Variants in FRMPD4 observed in about 807,000 individuals in gnomAD.
The protein encoded by FRMPD4 is FERM and PDZ domain containing 4, also known as FERM and PDZ domain-containing protein 4.
Under a neutral mutation model 94.1 loss-of-function variants are expected in FRMPD4, and 22 were observed. The ratio of observed to expected loss-of-function variants is 0.23; its 90% CI spans 0.17 to 0.33. FRMPD4 has a LOEUF of 0.33. FRMPD4 is among the 10% of genes least tolerant of loss of function. FRMPD4 has a pLI of 1.00. For missense variants in FRMPD4, 1,111 were observed against 1,339.9 expected, an observed-to-expected ratio of 0.83 and a Z score of 2.67; for synonymous variants, 631 against 548.6, an observed-to-expected ratio of 1.15 and a Z score of -2.10.
chrX:12,579,525 C>T (rs1295511906), intron 2 of FRMPD4, among the ~76,000 whole-genome samples: 2 of 112,147 alleles, frequency 1.8e-5, no homozygotes, highest in East Asian at 2.8e-4. Flanking sequence ...GTGGAGCCCA[C>T]GTGCAGGGAT....
At chrX:11,901,789 C>T (rs1456004140) in intron 3 of FRMPD4, among the ~76,000 whole-genome samples, 1 of 111,116 alleles carries the variant, frequency 9.0e-6, no homozygotes, top group Non-Finnish European at 1.9e-5. Flanking sequence ...TAATTATGGC[C>T]TTTCTTGCAG....
intron 1 of FRMPD4, among the ~76,000 whole-genome samples, chrX:12,475,868 T>C (rs374645566): frequency 5.4e-5 from 6 of 111,156 alleles, no homozygotes; most frequent in Admixed American, 1.9e-4. Flanking sequence ...GAATCAATAT[T>C]GTGAAAATGG....
At chrX:12,653,599 TAATCAATC>T (rs758574715) in intron 4 of FRMPD4, among the ~76,000 whole-genome samples, 17 of 111,251 alleles carry the variant, frequency 1.5e-4, no homozygotes, top group African/African-American at 5.6e-4. Flanking sequence ...TGAAAACCGC[TAATCAATC>T]AATCAATCAA....
At chrX:12,190,922 A>G (rs745718272) in intron 1 of FRMPD4, among the ~76,000 whole-genome samples, 35 of 111,911 alleles carry the variant, frequency 3.1e-4, no homozygotes, top group Admixed American at 6.7e-4. Flanking sequence ...ATTGAAATTA[A>G]AAACTTCTCT....
chrX:11,947,245 C>T (rs1360174551), intron 3 of FRMPD4, among the ~76,000 whole-genome samples: 8 of 112,161 alleles, frequency 7.1e-5, no homozygotes, highest in Non-Finnish European at 1.5e-4. Context: ...AAACATAAAT[C>T]ACTTAGGGTT....
At chrX:12,720,044 GGAAAGGAAAGAAA>G (rs1188967804) in intron 16 of FRMPD4, among the ~76,000 whole-genome samples, 1,438 of 30,202 alleles carry the variant, frequency 0.048, 15 homozygotes, top group Non-Finnish European at 0.064. Flanking sequence ...GGAAAGGAAA[GGAAAGGAAAGAAA>G]GAAAGAAAGA....
chrX:12,642,655 A>T (rs899701300), intron 4 of FRMPD4, among the ~76,000 whole-genome samples: 4 of 112,888 alleles, frequency 3.5e-5, no homozygotes, highest in Non-Finnish European at 7.5e-5. Flanking sequence ...TAATCCCAAA[A>T]CTTTGGAAGG....
At chrX:11,838,336 T>C (rs1465670558) in intron 1 of FRMPD4, among the ~76,000 whole-genome samples, 1 of 111,727 alleles carries the variant, frequency 9.0e-6, no homozygotes, top group Non-Finnish European at 1.9e-5. Context: ...ATAATCCAGA[T>C]AGCTCTTACA....
intron 1 of FRMPD4, among the ~76,000 whole-genome samples, chrX:12,162,945 A>G (rs1303416547): frequency 8.9e-6 from 1 of 111,857 alleles, no homozygotes; most frequent in Non-Finnish European, 1.9e-5. Flanking sequence ...TCTCTCCACT[A>G]CTAAAATATC....
At chrX:11,844,871 C>A (rs1350896507) in intron 1 of FRMPD4, among the ~76,000 whole-genome samples, 2 of 111,816 alleles carry the variant, frequency 1.8e-5, no homozygotes, top group African/African-American at 6.5e-5. Context: ...AATTTCTGTG[C>A]ACTCCGTTTA....
At chrX:12,362,173 C>T (rs997910606) in intron 1 of FRMPD4, among the ~76,000 whole-genome samples, 6 of 74,037 alleles carry the variant, frequency 8.1e-5, no homozygotes, top group Admixed American at 4.6e-4. Flanking sequence ...TAGTAACTGA[C>T]GATTCTTTTT....
At chrX:12,340,813 C>G (rs1228091793) in intron 1 of FRMPD4, among the ~76,000 whole-genome samples, 2 of 111,839 alleles carry the variant, frequency 1.8e-5, no homozygotes, top group Non-Finnish European at 3.8e-5. Flanking sequence ...AAATGTTCAT[C>G]TGTGCAACTA....
At chrX:12,006,780 G>A (rs1245424432) in intron 3 of FRMPD4, among the ~76,000 whole-genome samples, 1 of 111,940 alleles carries the variant, frequency 8.9e-6, no homozygotes, top group East Asian at 2.8e-4. Flanking sequence ...AACTCAAAGA[G>A]AAGGAATTCT....
chrX:12,672,880 G>C (rs184154098), intron 4 of FRMPD4, among the ~76,000 whole-genome samples: 4 of 111,901 alleles, frequency 3.6e-5, no homozygotes, highest in African/African-American at 1.3e-4. Flanking sequence ...AATGATGATC[G>C]ATATCCTGCT....
intron 3 of FRMPD4, among the ~76,000 whole-genome samples, chrX:12,040,590 C>T (rs1398922677): frequency 2.5e-5 from 2 of 79,737 alleles, no homozygotes; most frequent in Non-Finnish European, 4.5e-5. Context: ...GATGGAGTCT[C>T]GCTCTGTCAC....
At chrX:12,355,570 A>G (rs961981244) in intron 1 of FRMPD4, among the ~76,000 whole-genome samples, 17 of 112,134 alleles carry the variant, frequency 1.5e-4, no homozygotes, top group Admixed American at 1.1e-3. Context: ...AGTAAATGAC[A>G]AATGTTATTA....
chrX:12,029,003 G>A (rs968832425), intron 3 of FRMPD4, among the ~76,000 whole-genome samples: 32 of 112,312 alleles, frequency 2.8e-4, no homozygotes, highest in Non-Finnish European at 1.9e-5. Context: ...ACCAAAGAGT[G>A]TAACTGTTTG....
At chrX:12,512,867 G>C (rs1288551795) in intron 2 of FRMPD4, among the ~76,000 whole-genome samples, 1 of 112,067 alleles carries the variant, frequency 8.9e-6, no homozygotes, top group Admixed American at 9.5e-5. Context: ...TTTCTCCACA[G>C]CCTTGCCAGC....
chrX:12,022,746 G>A (rs2054638424), intron 3 of FRMPD4, among the ~76,000 whole-genome samples: 1 of 111,286 alleles, frequency 9.0e-6, no homozygotes, highest in African/African-American at 3.3e-5. Flanking sequence ...CGCCAATTTA[G>A]TCTTGGCTTT....
Sources: gnomAD v4.1 joint callset for allele counts (sites outside exome capture counted in the v4.1 genomes callset) on GRCh38, gnomAD v4.1.1 for gene constraint, MANE v1.5 for transcripts, NCBI Gene and HGNC (gene_info 2026-07-23, HGNC 2026-07-21) for gene names.